Variants in OPN5 observed in about 807,000 individuals in gnomAD.
The protein encoded by OPN5 is opsin 5.
A neutral mutation model predicts 41.7 loss-of-function variants in OPN5; 18 were observed. That is an observed-to-expected ratio of 0.43 (90% CI 0.30 to 0.64). OPN5 has a LOEUF of 0.64. OPN5 is among the 30% of genes least tolerant of loss of function. OPN5 has a pLI of 0.13. For synonymous variants in OPN5, 178 were observed against 164.3 expected, an observed-to-expected ratio of 1.08 and a Z score of -0.64; for missense variants, 318 against 434.5, an observed-to-expected ratio of 0.73 and a Z score of 2.38.
chr6:47,795,821 A>G (rs1270824064), intron 4 of OPN5, among the ~76,000 whole-genome samples: 1 of 151,430 alleles, frequency 6.6e-6, no homozygotes, highest in African/African-American at 2.4e-5. Flanking sequence ...CATTTTCAAT[A>G]TCTACAAAAT....
At chr6:47,783,171 A>C (rs1036533357) in intron 1 of OPN5, among the ~76,000 whole-genome samples, 3 of 152,128 alleles carry the variant, frequency 2.0e-5, no homozygotes, top group African/African-American at 7.2e-5. Flanking sequence ...GATAGCACTA[A>C]TCTAGACAGT....
chr6:47,819,814 TA>T (rs1762546645), intron 6 of OPN5, among the ~76,000 whole-genome samples: 1 of 152,176 alleles, frequency 6.6e-6, no homozygotes, highest in African/African-American at 2.4e-5. Flanking sequence ...TTAATACAAA[TA>T]GGCAAAATGT....
At chr6:47,812,318 G>A (rs978155690) in intron 6 of OPN5, among the ~76,000 whole-genome samples, 38 of 152,166 alleles carry the variant, frequency 2.5e-4, no homozygotes, top group African/African-American at 8.9e-4. Context: ...GAAGACAACA[G>A]TAATTTCCGC....
rs41273684 is a variant in OPN5, at chr6:47,787,073, A to C, written c.250+439A>C. On this transcript the variant is annotated intron_variant, in intron 2 of 6. Transcript: ENST00000371211. Reference sequence around the variant, plus strand: ...GGTAAATGACAGTTGAAGACAGTTGAAGGCAGTTGAGAGGTGAATGTAGGA... The same window carrying C: ...GGTAAATGACAGTTGAAGACAGTTGCAGGCAGTTGAGAGGTGAATGTAGGA... 1.5e-3 allele frequency: 1,447 copies of C among 986,302 alleles called. 1 individual carries two copies. Among genetic ancestry groups the C allele is most frequent in the Non-Finnish European group, 1.7e-3 (1,371 of 830,260 alleles). 61.1% of individuals were successfully genotyped at this position (986,302 alleles called of 1,614,324 possible).
At chr6:47,789,784 A>C (rs995321412) in intron 2 of OPN5, among the ~76,000 whole-genome samples, 10 of 152,304 alleles carry the variant, frequency 6.6e-5, no homozygotes, top group Admixed American at 5.2e-4. Flanking sequence ...GAGAGCTGGG[A>C]GCTAGCACCT....
chr6:47,818,012 G>A (rs775880269), intron 6 of OPN5, among the ~76,000 whole-genome samples: 12 of 152,076 alleles, frequency 7.9e-5, no homozygotes, highest in South Asian at 2.1e-4. Context: ...GCATTTCTTC[G>A]CATACAGCTA....
chr6:47,802,929 G>T (rs1364790243), intron 4 of OPN5, among the ~76,000 whole-genome samples: 1 of 152,106 alleles, frequency 6.6e-6, no homozygotes, highest in African/African-American at 2.4e-5. Flanking sequence ...CAATTGGGAA[G>T]TGTGAAATTC....
At chr6:47,786,683 T>A (rs1466240390) in intron 2 of OPN5, 49 bp downstream of exon 2, 1 of 1,563,400 alleles carries the variant, frequency 6.4e-7, no homozygotes. Context: ...CTACTCCCCA[T>A]TCTAAAGTAC....
At chr6:47,809,748 A>T (rs1449465404) in intron 5 of OPN5, among the ~76,000 whole-genome samples, 1 of 152,250 alleles carries the variant, frequency 6.6e-6, no homozygotes, top group African/African-American at 2.4e-5. Flanking sequence ...TGAATTGAAC[A>T]GTTAAATCCA....
intron 4 of OPN5, among the ~76,000 whole-genome samples, chr6:47,807,097 C>T (rs1773998479): frequency 6.6e-6 from 1 of 152,198 alleles, no homozygotes; most frequent in African/African-American, 2.4e-5. Context: ...GCAGAGGTTG[C>T]AGTGAACCAA....
At chr6:47,794,220 A>G (rs899810025) in intron 3 of OPN5, among the ~76,000 whole-genome samples, 5 of 152,234 alleles carry the variant, frequency 3.3e-5, no homozygotes, top group Non-Finnish European at 5.9e-5. Context: ...CAAACCTCAC[A>G]TTGCACTAAG....
At chr6:47,808,359 T>C in exon 5 of OPN5, 2 of 1,614,120 alleles carry the variant, frequency 1.2e-6, no homozygotes, top group South Asian at 2.2e-5. Flanking sequence ...ACTGGTGGTT[T>C]GAAAGCAACC....
intron 1 of OPN5, among the ~76,000 whole-genome samples, chr6:47,783,064 T>C (rs1773122264): frequency 6.6e-6 from 1 of 152,030 alleles, no homozygotes; most frequent in Non-Finnish European, 1.5e-5. Context: ...AAATTAAATT[T>C]TTACTTTGTA....
chr6:47,796,023 A>T (rs1773559625), intron 4 of OPN5, among the ~76,000 whole-genome samples: 1 of 152,158 alleles, frequency 6.6e-6, no homozygotes, highest in Non-Finnish European at 1.5e-5. Flanking sequence ...GTAAGAGTTT[A>T]CCATGTGTGC....
At chr6:47,805,393 T>C (rs1480850182) in intron 4 of OPN5, among the ~76,000 whole-genome samples, 1 of 150,640 alleles carries the variant, frequency 6.6e-6, no homozygotes, top group Non-Finnish European at 1.5e-5. Context: ...ATTCTCTATT[T>C]GTAAAATGGA....
At chr6:47,814,796 G>A (rs1470788499) in intron 6 of OPN5, among the ~76,000 whole-genome samples, 3 of 152,106 alleles carry the variant, frequency 2.0e-5, no homozygotes, top group African/African-American at 4.8e-5. Flanking sequence ...ATGTCTGGGA[G>A]GGTTATGAGA....
intron 2 of OPN5, among the ~76,000 whole-genome samples, chr6:47,790,286 A>C (rs1561890734): frequency 1.3e-5 from 2 of 152,204 alleles, no homozygotes; most frequent in Non-Finnish European, 2.9e-5. Context: ...TATATAAAAC[A>C]GGTGAAAAAA....
chr6:47,826,080 A>T (rs1040144091), downstream of OPN5: 1 of 152,126 alleles, frequency 6.6e-6, no homozygotes, highest in Non-Finnish European at 1.5e-5. Flanking sequence ...AATATCTTTT[A>T]AAAAATTTTA....
At chr6:47,801,674 C>A (rs1773779238) in intron 4 of OPN5, among the ~76,000 whole-genome samples, 1 of 152,190 alleles carries the variant, frequency 6.6e-6, no homozygotes, top group Non-Finnish European at 1.5e-5. Context: ...TTCATTGCAG[C>A]CTTTACGTTA....
Sources: allele counts gnomAD v4.1 joint callset (sites outside exome capture counted in the v4.1 genomes callset), GRCh38; gene constraint gnomAD v4.1.1; transcripts MANE v1.5; gene names NCBI Gene and HGNC (gene_info 2026-07-23, HGNC 2026-07-21).